Variants in ANKRD40 observed in about 807,000 individuals in gnomAD.
The protein encoded by ANKRD40 is ankyrin repeat domain 40.
In ANKRD40, 24 loss-of-function variants were observed where a neutral mutation model predicts 35.5. The ratio of observed to expected loss-of-function variants is 0.68; its 90% CI spans 0.49 to 0.95. ANKRD40 has a LOEUF of 0.95. Among genes scored for constraint, ANKRD40 ranks in the 40% least tolerant of loss-of-function variants. The probability of loss-of-function intolerance (pLI) is 0.00; values close to 1 mark genes in which losing one functional copy is unlikely to be tolerated. For synonymous variants in ANKRD40, 147 were observed against 173.5 expected (o/e 0.85, Z 1.20); for missense variants, 361 against 436.0 (o/e 0.83, Z 1.53).
At chr17:50,698,535 G>T (rs1968226057) in intron 3 of ANKRD40, among the ~76,000 whole-genome samples, 2 of 151,936 alleles carry the variant, frequency 1.3e-5, no homozygotes, top group South Asian at 4.1e-4. Flanking sequence ...TCTTCAAAAA[G>T]ATCAAGATCA....
rs944938491 is a variant in ANKRD40, at chr17:50,695,883, G to A, written c.*114C>T. ...GCAGAATGATGTTAGTATATACTATGCAGTGGCACCAGAGGCCCTCCCGGG... is the reference window on the plus strand; with the variant it reads ...GCAGAATGATGTTAGTATATACTATACAGTGGCACCAGAGGCCCTCCCGGG... On this transcript the variant is annotated 3_prime_UTR_variant, in exon 5 of 5. Transcript: ENST00000285243. 6 of 1,279,952 alleles carry A rather than the reference G, an allele frequency of 4.7e-6. No individual in the cohort carries two copies. In the African/African-American group the frequency reaches 7.4e-5, roughly 16 times the overall value. The allele number at this position is 1,279,952 out of a possible 1,614,324, so 79.3% of individuals were successfully genotyped here.
At position 50,707,083 on chromosome 17, in the gene ANKRD40, G is replaced by A. The variant is rs995347557; in HGVS notation, c.134+438C>T. 2.0e-5 allele frequency among the ~76,000 whole-genome samples: 3 copies of A among 152,002 alleles called. No homozygotes were observed. Among genetic ancestry groups the A allele is most frequent in the Non-Finnish European group, 4.4e-5 (3 of 67,980 alleles). ...TTTCCTGGTCTTGGCTAAGGAAATC[G>A]TGCTAGTTTATAAAATTCATATTTG... is the stretch of plus-strand genomic sequence containing the variant. On this transcript the variant is annotated intron_variant, in intron 1 of 4. Coordinates refer to ENST00000285243, the MANE Select transcript of ANKRD40 (RefSeq NM_052855.4). The surrounding 1 kb of genome is among the most constrained non-coding windows in gnomAD (Gnocchi z 4.8).
At chr17:50,706,411 AAAAT>A (rs1968339642) in intron 1 of ANKRD40, among the ~76,000 whole-genome samples, 1 of 152,146 alleles carries the variant, frequency 6.6e-6, no homozygotes, top group Admixed American at 6.5e-5. Flanking sequence ...CTAAGCTAGC[AAAAT>A]AGTCTGGCTA....
Position 50,699,449 on chromosome 17 carries a change from G to A in ANKRD40, c.728C>T (p.Pro243Leu), listed in dbSNP as rs1196444128. Residue 243 changes from proline to leucine, a missense_variant, in exon 3 of 5, where the codon CCA (proline) becomes CTA (leucine). By Grantham distance (98) the Pro-to-Leu change is moderately conservative. Transcript: ENST00000285243. The stretch of plus-strand genomic sequence containing the variant: ...AGTGAAGAAAAATGGCTGGAATGCT[G>A]GCGCTGGTCCTGCATACGTCCCATT... ...PQNGTYAGPA[P>L]AFQPFFFTGA... The A allele has an allele frequency of 3.7e-6, 6 of 1,614,078 alleles. No individual in the cohort carries two copies. The highest frequency in any genetic ancestry group is 4.2e-6 in the Non-Finnish European group (5 of 1,180,040).
chr17:50,694,129 C>CAAAAAAAATAAAA lies in ANKRD40; in HGVS notation c.*1867_*1868insTTTTATTTTTTTT, dbSNP rs1555601383. 1.8e-4 allele frequency: 12 copies of CAAAAAAAATAAAA among 65,710 alleles called. 1 individual carries two copies. Among genetic ancestry groups the CAAAAAAAATAAAA allele is most frequent in the African/African-American group, 7.6e-4 (12 of 15,890 alleles). 4.1% of individuals were successfully genotyped at this position (65,710 alleles called of 1,614,324 possible). ...TGGGCAACAAAGCAAGACTCCGTCT[C>CAAAAAAAATAAAA]AAAAAAAAAAAGAAAAGAAACACCA... is the stretch of plus-strand genomic sequence containing the variant. On this transcript the variant is annotated 3_prime_UTR_variant, in exon 5 of 5. Transcript: ENST00000285243.
Position 50,695,308 on chromosome 17 carries a change from ACT to A in ANKRD40, c.*687_*688del, listed in dbSNP as rs1968185696. On this transcript the variant is annotated 3_prime_UTR_variant, in exon 5 of 5. Coordinates refer to ENST00000285243, the MANE Select transcript of ANKRD40 (RefSeq NM_052855.4). The stretch of plus-strand genomic sequence containing the variant: ...ACGAAGGGGAGTTAATGCAGAGATG[ACT>A]CGAGACAGAGAAGCAGTCATGAGTG... 1 of 152,296 alleles carries A rather than the reference ACT, an allele frequency of 6.6e-6. No homozygotes were observed. Among genetic ancestry groups the A allele is most frequent in the African/African-American group, 2.4e-5 (1 of 41,432 alleles). The allele number at this position is 152,296 out of a possible 1,614,324, so 9.4% of individuals were successfully genotyped here.
At chr17:50,699,152 A>G (rs1968234348) in intron 3 of ANKRD40, among the ~76,000 whole-genome samples, 1 of 152,058 alleles carries the variant, frequency 6.6e-6, no homozygotes, top group Non-Finnish European at 1.5e-5. Context: ...GGGCGAAGCT[A>G]CGTCTCAATA....
intron 1 of ANKRD40, among the ~76,000 whole-genome samples, chr17:50,701,493 G>A (rs1358090792): frequency 6.6e-6 from 1 of 152,112 alleles, no homozygotes; most frequent in African/African-American, 2.4e-5. Flanking sequence ...TGTACACAGA[G>A]GAAGCAATTC....
rs1475264935 is a variant in ANKRD40, at chr17:50,707,529, G to A, written c.126C>T (p.Val42=). Residue 42 remains valine (V), a synonymous_variant, in exon 1 of 5, where the codon GTC becomes GTT. Coordinates refer to ENST00000285243, the MANE Select transcript of ANKRD40 (RefSeq NM_052855.4). This position sits in a 1 kb window ranked among gnomAD's most constrained non-coding sequence, Gnocchi z 4.8. Reference sequence around the variant, plus strand: ...CCCCGCTCCCCACTTACCAGCCGTTGACCTCATTTTGGGAGTTCACATCCA... The same window carrying A: ...CCCCGCTCCCCACTTACCAGCCGTTAACCTCATTTTGGGAGTTCACATCCA... ...SGVDVNSQNE[V]NGWTCLHWAC... is the part of the protein sequence containing the mutation. 3.1e-6 allele frequency: 5 copies of A among 1,606,568 alleles called. No homozygotes were observed. Among genetic ancestry groups the A allele is most frequent in the Non-Finnish European group, 4.3e-6 (5 of 1,176,366 alleles).
At chr17:50,702,269 G>A (rs1006500168) in intron 1 of ANKRD40, among the ~76,000 whole-genome samples, 1 of 152,140 alleles carries the variant, frequency 6.6e-6, no homozygotes, top group Non-Finnish European at 1.5e-5. Context: ...GTGTGATGGT[G>A]CATGTCTGTA....
chr17:50,705,636 A>G (rs1239965677), intron 1 of ANKRD40, among the ~76,000 whole-genome samples: 3 of 149,292 alleles, frequency 2.0e-5, no homozygotes, highest in African/African-American at 7.4e-5. Flanking sequence ...GGCGTGAGCC[A>G]CCAGGTCCTA....
chr17:50,696,789 C>A, intron 4 of ANKRD40, 151 bp downstream of exon 4: 29 of 621,020 alleles, frequency 4.7e-5, no homozygotes, highest in Non-Finnish European at 6.2e-5. Context: ...TCCCTATAGA[C>A]TCAGTAGAAG....
intron 3 of ANKRD40, among the ~76,000 whole-genome samples, chr17:50,698,985 CAAAAAAAA>C (rs5820829): frequency 5.5e-4 from 38 of 69,606 alleles, no homozygotes; most frequent in South Asian, 1.3e-3. Flanking sequence ...ACTAAAAATA[CAAAAAAAA>C]AAAAAAAAAA....
intron 1 of ANKRD40, among the ~76,000 whole-genome samples, chr17:50,703,158 T>A (rs971166428): frequency 2.6e-5 from 4 of 152,076 alleles, no homozygotes; most frequent in African/African-American, 4.8e-5. Context: ...TGCAAGAGAG[T>A]ACGTTTTTTT....
chr17:50,696,118 T>C lies in ANKRD40; in HGVS notation c.986A>G (p.Asp329Gly). Residue 329 changes from aspartate (D) to glycine (G), a missense_variant, in exon 5 of 5, where the codon GAT becomes GGT. Around this residue, in one of 5 missense-constraint regions of ANKRD40, gnomAD observed 93 missense variants for 129.6 expected, o/e 0.72. Transcript: ENST00000285243. ...CAGAACCAGTTCCAGCTCCTGGAAA[T>C]CTTGGAGTCGAGCAACATCCTTGTC... ...RKDKDVARLQ[D>G]FQELELVLMI... 1 of 1,614,076 alleles carries C rather than the reference T, an allele frequency of 6.2e-7. No individual in the cohort carries two copies. Among genetic ancestry groups the C allele is most frequent in the Non-Finnish European group, 8.5e-7 (1 of 1,180,004 alleles).
In ANKRD40 at chr17:50,696,028, T is replaced by C. The variant is rs777948095; in HGVS notation, c.1076A>G (p.Tyr359Cys). The C allele has an allele frequency of 1.9e-6, 3 of 1,614,190 alleles. No individual in the cohort carries two copies. Among genetic ancestry groups the C allele is most frequent in the East Asian group, 2.2e-5 (1 of 44,892 alleles). Residue 359 changes from tyrosine to cysteine, a missense_variant, in exon 5 of 5, where the codon TAT (tyrosine) becomes TGT (cysteine). Tyr to Cys is a radical substitution (Grantham distance 194, BLOSUM62 -2). Around this residue, in one of 5 missense-constraint regions of ANKRD40, gnomAD observed 93 missense variants for 129.6 expected, o/e 0.72. Transcript: ENST00000285243. ...AASTLTERPCYNRRASKLTY is the reference protein window; with the variant it reads ...AASTLTERPCCNRRASKLTY Reference sequence around the variant, plus strand: ...AGTCAGTTTTGAAGCTCTCCTGTTATAGCAAGGCCTTTCAGTCAGTGTGGA... The same window carrying C: ...AGTCAGTTTTGAAGCTCTCCTGTTACAGCAAGGCCTTTCAGTCAGTGTGGA...
chr17:50,700,714 G>C lies in ANKRD40; in HGVS notation c.137C>G (p.Thr46Ser). The C allele has an allele frequency of 6.2e-7, 1 of 1,604,158 alleles. No individual in the cohort carries two copies. Among genetic ancestry groups the C allele is most frequent in the Non-Finnish European group, 8.5e-7 (1 of 1,175,712 alleles). The change falls in exon 2 of 5, where the codon ACT becomes AGT. Residue 46 changes from threonine to serine, a missense_variant and splice_region_variant. Transcript: ENST00000285243. ...VNSQNEVNGWTCLHWACKRNH... is the reference protein window; with the variant it reads ...VNSQNEVNGWSCLHWACKRNH... ...TCGTTTACATGCCCAGTGTAAACAAGTCCTGTACCAAAGAAAATAATGATT... is the reference window on the plus strand; with the variant it reads ...TCGTTTACATGCCCAGTGTAAACAACTCCTGTACCAAAGAAAATAATGATT...
chr17:50,697,597 G>T (rs1312923085), intron 3 of ANKRD40, among the ~76,000 whole-genome samples: 22 of 152,192 alleles, frequency 1.4e-4, no homozygotes, highest in Admixed American at 1.4e-3. Context: ...AAAAAAGACA[G>T]TAAAAGAGCC....
chr17:50,701,878 G>C (rs1968277122), intron 1 of ANKRD40, among the ~76,000 whole-genome samples: 1 of 152,192 alleles, frequency 6.6e-6, no homozygotes, highest in South Asian at 2.1e-4. Flanking sequence ...CTTACAGAAA[G>C]TTAGCATGTC....
Sources: allele counts gnomAD v4.1 joint callset (sites outside exome capture counted in the v4.1 genomes callset), GRCh38; gene constraint gnomAD v4.1.1; regional missense constraint gnomAD v4.1.1; non-coding constraint Gnocchi (gnomAD v3.1); transcripts MANE v1.5; gene names NCBI Gene and HGNC (gene_info 2026-07-23, HGNC 2026-07-21).